Variants in CNTNAP2 observed in about 807,000 individuals in gnomAD.
CNTNAP2 encodes the protein contactin associated protein 2.
In CNTNAP2, 98 loss-of-function variants were observed where a neutral mutation model predicts 155.2. That is an observed-to-expected ratio of 0.63 (90% confidence interval 0.54 to 0.75). CNTNAP2 has a LOEUF of 0.75. Among genes scored for constraint, CNTNAP2 ranks in the 30% least tolerant of loss-of-function variants. CNTNAP2 has a pLI of 0.00. For missense variants in CNTNAP2, 1,727 were observed against 1,688.1 expected (o/e 1.02, Z -0.40); for synonymous variants, 651 against 631.2 (o/e 1.03, Z -0.47).
At chr7:148,058,264 AG>A (rs1803061121) in intron 15 of CNTNAP2, among the ~76,000 whole-genome samples, 1 of 152,128 alleles carries the variant, frequency 6.6e-6, no homozygotes. Flanking sequence ...AAGCTCTCAA[AG>A]CTCAGACTCT....
intron 18 of CNTNAP2, among the ~76,000 whole-genome samples, chr7:148,180,988 A>G (rs565150939): frequency 1.4e-4 from 22 of 152,314 alleles, no homozygotes; most frequent in African/African-American, 4.6e-4. Flanking sequence ...AAAAGGTGGT[A>G]GTGTCTATCT....
chr7:147,568,248 A>C (rs1284279207), intron 12 of CNTNAP2, among the ~76,000 whole-genome samples: 2 of 152,026 alleles, frequency 1.3e-5, no homozygotes, highest in Non-Finnish European at 2.9e-5. Context: ...CACTGCTTGC[A>C]GTCAAATAAT....
chr7:146,463,144 GAC>G (rs1353376533), intron 1 of CNTNAP2, among the ~76,000 whole-genome samples: 2 of 152,060 alleles, frequency 1.3e-5, no homozygotes, highest in Admixed American at 1.3e-4. Flanking sequence ...AAAAACTTAA[GAC>G]AGAAATAAAA....
At chr7:147,295,735 A>G (rs1805429582) in intron 8 of CNTNAP2, among the ~76,000 whole-genome samples, 1 of 152,210 alleles carries the variant, frequency 6.6e-6, no homozygotes, top group South Asian at 2.1e-4. Flanking sequence ...GCCACATTTA[A>G]GAATAAACTT....
chr7:147,410,220 A>G (rs1797080493), intron 10 of CNTNAP2, among the ~76,000 whole-genome samples: 1 of 152,214 alleles, frequency 6.6e-6, no homozygotes, highest in Non-Finnish European at 1.5e-5. Flanking sequence ...AACAAATAAT[A>G]AGATTATATC....
At chr7:146,915,774 T>A (rs1796380756) in intron 3 of CNTNAP2, 1 of 152,002 alleles carries the variant, frequency 6.6e-6, no homozygotes, top group Admixed American at 6.6e-5. Flanking sequence ...GCAAAAACAG[T>A]TTGACTTCCT....
intron 1 of CNTNAP2, among the ~76,000 whole-genome samples, chr7:146,388,019 T>A (rs904347738): frequency 6.6e-6 from 1 of 151,932 alleles, no homozygotes; most frequent in Non-Finnish European, 1.5e-5. Flanking sequence ...TGTGTGTGTG[T>A]GTGTGTGTAT....
At chr7:148,238,646 A>G (rs138679208) in intron 20 of CNTNAP2, among the ~76,000 whole-genome samples, 5 of 152,342 alleles carry the variant, frequency 3.3e-5, no homozygotes, top group Non-Finnish European at 7.3e-5. Context: ...TTTATAATCA[A>G]AGAGAACTAC....
At chr7:147,527,015 CTTTTTTTT>C (rs888976222) in intron 11 of CNTNAP2, among the ~76,000 whole-genome samples, 19 of 65,168 alleles carry the variant, frequency 2.9e-4, no homozygotes, top group African/African-American at 7.8e-4. Context: ...ACAGGCATTT[CTTTTTTTT>C]TTTTTTTTTT....
At chr7:148,247,878 C>T (rs2116810769) in intron 20 of CNTNAP2, among the ~76,000 whole-genome samples, 1 of 151,464 alleles carries the variant, frequency 6.6e-6, no homozygotes, top group African/African-American at 2.4e-5. Flanking sequence ...GGTCTCGGAC[C>T]CCTGACCTCA....
At chr7:147,276,132 AT>A (rs1017436905) in intron 8 of CNTNAP2, among the ~76,000 whole-genome samples, 4 of 150,436 alleles carry the variant, frequency 2.7e-5, no homozygotes, top group East Asian at 3.9e-4. Context: ...GTTGACTTGT[AT>A]TTTTCTTTTT....
intron 10 of CNTNAP2, among the ~76,000 whole-genome samples, chr7:147,471,745 T>G (rs1219331557): frequency 6.6e-6 from 1 of 152,226 alleles, no homozygotes; most frequent in African/African-American, 2.4e-5. Context: ...TAAAGTGTGT[T>G]GAGGAAACAG....
chr7:146,531,281 A>T (rs909683934), intron 1 of CNTNAP2, among the ~76,000 whole-genome samples: 1 of 152,082 alleles, frequency 6.6e-6, no homozygotes, highest in African/African-American at 2.4e-5. Context: ...TATGCTTATT[A>T]CCTGATTGAC....
At chr7:147,644,481 G>A (rs1795334082) in intron 13 of CNTNAP2, among the ~76,000 whole-genome samples, 1 of 152,134 alleles carries the variant, frequency 6.6e-6, no homozygotes, top group South Asian at 2.1e-4. Flanking sequence ...AATTAGCTGG[G>A]TGTGGTGGCA....
intron 13 of CNTNAP2, among the ~76,000 whole-genome samples, chr7:147,764,631 A>G (rs1018101240): frequency 6.6e-5 from 10 of 152,246 alleles, no homozygotes; most frequent in African/African-American, 2.4e-4. Context: ...GAGTCAATAT[A>G]ATCTTGGTTT....
At chr7:146,754,444 A>C (rs1563217306) in intron 1 of CNTNAP2, among the ~76,000 whole-genome samples, 1 of 152,024 alleles carries the variant, frequency 6.6e-6, no homozygotes, top group East Asian at 1.9e-4. Flanking sequence ...GAACAAAAAC[A>C]TGTGTCAGCT....
intron 15 of CNTNAP2, among the ~76,000 whole-genome samples, chr7:148,049,107 C>T (rs138699674): frequency 7.9e-5 from 12 of 151,964 alleles, no homozygotes; most frequent in Non-Finnish European, 1.3e-4. Context: ...CCCAGCTACT[C>T]GGGATCCTGA....
chr7:146,196,455 A>G (rs1200112396), intron 1 of CNTNAP2, among the ~76,000 whole-genome samples: 1 of 152,066 alleles, frequency 6.6e-6, no homozygotes, highest in African/African-American at 2.4e-5. Context: ...AGGATTAGTT[A>G]CAGTTCAGAA....
intron 21 of CNTNAP2, among the ~76,000 whole-genome samples, chr7:148,272,171 G>A (rs766712964): frequency 8.5e-5 from 13 of 152,146 alleles, no homozygotes; most frequent in Non-Finnish European, 1.5e-4. Flanking sequence ...CCAACCAACA[G>A]CAAACTTTTA....
Sources: allele counts gnomAD v4.1 joint callset (sites outside exome capture counted in the v4.1 genomes callset), GRCh38; gene constraint gnomAD v4.1.1; transcripts MANE v1.5; gene names NCBI Gene and HGNC (gene_info 2026-07-23, HGNC 2026-07-21).